The following TOP6BL variants were observed in gnomAD, a reference collection of about 807,000 sequenced individuals.
The protein encoded by TOP6BL is TOP6B like initiator of meiotic double strand breaks, also known as type 2 DNA topoisomerase 6 subunit B-like.
chr11:66,751,286 C>T, the TOP6BL span, among the ~76,000 whole-genome samples: 1 of 152,120 alleles, frequency 6.6e-6, no homozygotes, highest in Non-Finnish European at 1.5e-5. Flanking sequence ...CCTCTGCCTC[C>T]CAGATTCAAG....
the TOP6BL span, among the ~76,000 whole-genome samples, chr11:66,819,977 G>GTGGTGTACAC: frequency 6.6e-6 from 1 of 151,666 alleles, no homozygotes; most frequent in African/African-American, 2.4e-5. Flanking sequence ...TATTCGGGAG[G>GTGGTGTACAC]CTGAGGTGGG....
At chr11:66,762,408 G>C in the TOP6BL span, 7 of 341,708 alleles carry the variant, frequency 2.0e-5, no homozygotes, top group South Asian at 1.8e-4. Flanking sequence ...ATGGCGGAGA[G>C]GACTGCGAAC....
At chr11:66,817,656 C>G in the TOP6BL span, among the ~76,000 whole-genome samples, 1 of 152,044 alleles carries the variant, frequency 6.6e-6, no homozygotes, top group African/African-American at 2.4e-5. Flanking sequence ...TCAGGCTGGT[C>G]TCGAACTCCT....
At chr11:66,842,037 A>G in the TOP6BL span, among the ~76,000 whole-genome samples, 1 of 152,122 alleles carries the variant, frequency 6.6e-6, no homozygotes, top group Non-Finnish European at 1.5e-5. Context: ...CTGTCTCTAC[A>G]AGTAAAAAAA....
the TOP6BL span, among the ~76,000 whole-genome samples, chr11:66,816,876 G>C: frequency 2.0e-5 from 3 of 152,216 alleles, no homozygotes; most frequent in East Asian, 5.8e-4. Context: ...TTCTCAGGCT[G>C]GGTGCGGTGG....
the TOP6BL span, among the ~76,000 whole-genome samples, chr11:66,825,198 G>A: frequency 2.6e-5 from 4 of 151,392 alleles, no homozygotes; most frequent in African/African-American, 7.3e-5. Flanking sequence ...CCCCAGGCCG[G>A]GCGTGGTGGC....
At chr11:66,798,956 C>T in the TOP6BL span, among the ~76,000 whole-genome samples, 45 of 151,864 alleles carry the variant, frequency 3.0e-4, no homozygotes, top group Non-Finnish European at 2.6e-4. Flanking sequence ...CCTGTAATCC[C>T]GGCACTTTGG....
the TOP6BL span, chr11:66,756,578 A>G: frequency 2.0e-6 from 2 of 988,176 alleles, no homozygotes; most frequent in African/African-American, 3.5e-5. Flanking sequence ...ATGCTTTTAT[A>G]TAAAAACGAT....
chr11:66,760,625 C>CAAAA, the TOP6BL span, among the ~76,000 whole-genome samples: 24 of 54,140 alleles, frequency 4.4e-4, 1 homozygote, highest in East Asian at 1.1e-3. Context: ...CCCATCTTTA[C>CAAAA]AAAAAAAAAA....
At chr11:66,842,857 G>A in the TOP6BL span, 1 of 1,567,850 alleles carries the variant, frequency 6.4e-7, no homozygotes, top group Non-Finnish European at 8.6e-7. Context: ...AGATACCAGC[G>A]GGCAAGCAGA....
At chr11:66,843,308 TG>T in the TOP6BL span, 1 of 1,552,550 alleles carries the variant, frequency 6.4e-7, no homozygotes, top group Non-Finnish European at 8.7e-7. Context: ...TTAATAAAGC[TG>T]CCGCGCGCTC....
chr11:66,843,454 C>T, the TOP6BL span: 6 of 1,405,302 alleles, frequency 4.3e-6, no homozygotes, highest in South Asian at 1.6e-5. Flanking sequence ...GGTCAGGGCG[C>T]AATGGCGGCG....
At chr11:66,792,371 C>G in the TOP6BL span, among the ~76,000 whole-genome samples, 12 of 152,076 alleles carry the variant, frequency 7.9e-5, no homozygotes, top group Non-Finnish European at 1.6e-4. Context: ...TTTTTATAAG[C>G]CCAGGTACAT....
the TOP6BL span, among the ~76,000 whole-genome samples, chr11:66,770,865 CT>C: frequency 1.3e-4 from 20 of 152,246 alleles, no homozygotes; most frequent in African/African-American, 4.6e-4. Context: ...TGACTTTCTA[CT>C]TTTTCTTTCT....
chr11:66,776,199 C>T, the TOP6BL span, among the ~76,000 whole-genome samples: 2 of 152,006 alleles, frequency 1.3e-5, no homozygotes, highest in African/African-American at 2.4e-5. Context: ...GCTGAGACTA[C>T]AGGCATGCAC....
At chr11:66,813,517 G>A in the TOP6BL span, among the ~76,000 whole-genome samples, 1 of 152,084 alleles carries the variant, frequency 6.6e-6, no homozygotes, top group Non-Finnish European at 1.5e-5. Context: ...GGCAGATCAC[G>A]AGGTCAAGAG....
At chr11:66,744,819 G>GGGAGGGGGC in the TOP6BL span, 9 of 1,230,504 alleles carry the variant, frequency 7.3e-6, no homozygotes, top group South Asian at 1.1e-4. Flanking sequence ...GCTGAGGAGG[G>GGGAGGGGGC]GGCGGCGGCG....
chr11:66,785,534 A>C, the TOP6BL span, among the ~76,000 whole-genome samples: 1 of 152,140 alleles, frequency 6.6e-6, no homozygotes, highest in Non-Finnish European at 1.5e-5. Flanking sequence ...TGTGTTGACA[A>C]CTGTCCCGTA....
the TOP6BL span, chr11:66,839,156 C>T: frequency 6.6e-6 from 3 of 456,210 alleles, no homozygotes; most frequent in Admixed American, 2.3e-5. Flanking sequence ...TCCCAGCCCA[C>T]AGCAGCAGGG....
Sources: gnomAD v4.1 joint callset for allele counts (sites outside exome capture counted in the v4.1 genomes callset) on GRCh38, gnomAD v4.1.1 for gene constraint, MANE v1.5 for transcripts, NCBI Gene and HGNC (gene_info 2026-07-23, HGNC 2026-07-21) for gene names.